The following MKLN1 variants were observed in gnomAD, a reference collection of about 807,000 sequenced individuals.
The protein encoded by MKLN1 is muskelin.
A neutral mutation model predicts 99.0 loss-of-function variants in MKLN1; 18 were observed. The ratio of observed to expected loss-of-function variants is 0.18; its 90% CI spans 0.13 to 0.27. The LOEUF (loss-of-function observed/expected upper bound fraction) is 0.27. Among genes scored for constraint, MKLN1 ranks in the 10% least tolerant of loss-of-function variants. MKLN1 has a pLI of 1.00. For missense variants in MKLN1, 621 were observed against 875.9 expected (o/e 0.71, Z 3.67); for synonymous variants, 288 against 293.2 (o/e 0.98, Z 0.18).
chr7:131,392,982 C>T (rs1794249256), intron 4 of MKLN1, among the ~76,000 whole-genome samples: 1 of 151,948 alleles, frequency 6.6e-6, no homozygotes, highest in Admixed American at 6.6e-5. Context: ...GTGCAACCTC[C>T]AGTTCCTGGG....
chr7:131,242,641 G>A, intron 3 of MKLN1: 1 of 561,766 alleles, frequency 1.8e-6, no homozygotes, highest in South Asian at 1.7e-5. Flanking sequence ...CTGGCTGGAT[G>A]CTATTCTGGA....
intron 1 of MKLN1, among the ~76,000 whole-genome samples, chr7:131,339,170 A>G (rs955114018): frequency 6.6e-6 from 1 of 152,220 alleles, no homozygotes; most frequent in Non-Finnish European, 1.5e-5. Flanking sequence ...GTCAAAAGTC[A>G]TACATGGCTT....
At chr7:131,242,978 G>C in intron 3 of MKLN1, 1 of 626,404 alleles carries the variant, frequency 1.6e-6, no homozygotes, top group Non-Finnish European at 3.1e-6. Flanking sequence ...AGAACAAGCG[G>C]TTCTTCCAGA....
chr7:131,411,062 G>A (rs982800583), intron 6 of MKLN1, among the ~76,000 whole-genome samples: 2 of 152,050 alleles, frequency 1.3e-5, no homozygotes, highest in Non-Finnish European at 2.9e-5. Flanking sequence ...AACATAGTAC[G>A]TTTAATATGA....
rs1446787219 is a variant in MKLN1, at chr7:131,457,133, C to T, written c.1526-6084C>T. ...TCTCCACTAAAAATACAAAATTAGC[C>T]AGGCATGGTGGCACGTGCCTGTAGT... is the stretch of plus-strand genomic sequence containing the variant. On this transcript the variant is annotated intron_variant, in intron 12 of 17. Transcript: ENST00000352689. Among the ~76,000 whole-genome samples the T allele has an allele frequency of 3.3e-5, 5 of 151,944 alleles. No homozygotes were observed. In the South Asian group the frequency reaches 8.3e-4, roughly 25 times the overall value.
At chr7:131,314,891 CT>C (rs1798636464) in intron 3 of MKLN1, among the ~76,000 whole-genome samples, 2 of 152,192 alleles carry the variant, frequency 1.3e-5, no homozygotes, top group South Asian at 4.2e-4. Flanking sequence ...TCGACCTCAG[CT>C]TCCTAAGCAG....
chr7:131,454,633 A>T (rs376222183), intron 12 of MKLN1, among the ~76,000 whole-genome samples: 4 of 152,212 alleles, frequency 2.6e-5, no homozygotes, highest in African/African-American at 9.6e-5. Context: ...CCAGGGCATG[A>T]ATGGTTAATC....
At chr7:131,248,550 AG>A (rs1253247957) in intron 3 of MKLN1, among the ~76,000 whole-genome samples, 3 of 152,168 alleles carry the variant, frequency 2.0e-5, no homozygotes, top group African/African-American at 7.2e-5. Flanking sequence ...TACTTACTGT[AG>A]GGGGTAGAAG....
chr7:131,370,999 G>C (rs1486186319), intron 1 of MKLN1, among the ~76,000 whole-genome samples: 1 of 151,896 alleles, frequency 6.6e-6, no homozygotes, highest in African/African-American at 2.4e-5. Flanking sequence ...CTCCGTTTCT[G>C]GTCTGTATTT....
At chr7:131,254,653 A>G (rs1797631464) in intron 3 of MKLN1, among the ~76,000 whole-genome samples, 1 of 149,074 alleles carries the variant, frequency 6.7e-6, no homozygotes, top group South Asian at 2.5e-4. Flanking sequence ...TACAAAACTA[A>G]AGAGAAAAAT....
intron 6 of MKLN1, among the ~76,000 whole-genome samples, chr7:131,406,704 G>A (rs1794719786): frequency 6.6e-6 from 1 of 151,944 alleles, no homozygotes; most frequent in Non-Finnish European, 1.5e-5. Context: ...TTGATGGCCT[G>A]AAAATTTTGT....
chr7:131,355,317 T>C (rs1799840351), intron 1 of MKLN1, among the ~76,000 whole-genome samples: 1 of 152,134 alleles, frequency 6.6e-6, no homozygotes, highest in African/African-American at 2.4e-5. Flanking sequence ...TGTATGGTCA[T>C]AGGGAAACCT....
In MKLN1 at chr7:131,312,831, G is replaced by A. The variant is rs142107927; in HGVS notation, c.-178-62593G>A. 8.9e-3 allele frequency among the ~76,000 whole-genome samples: 1,359 copies of A among 152,218 alleles called. 21 individuals carry two copies. The highest frequency in any genetic ancestry group is 0.031 in the African/African-American group (1,285 of 41,514). Reference sequence around the variant, plus strand: ...TAAGAAGTAAGCAACTTTATGTACCGTATGCAGAGCTCAGGACAAATGACA... The same window carrying A: ...TAAGAAGTAAGCAACTTTATGTACCATATGCAGAGCTCAGGACAAATGACA... On this transcript the variant is annotated intron_variant, in intron 3 of 7. Coordinates refer to the MKLN1 transcript ENST00000416992.
At chr7:131,440,083 C>G (rs1309662840) in intron 10 of MKLN1, among the ~76,000 whole-genome samples, 4 of 152,302 alleles carry the variant, frequency 2.6e-5, no homozygotes, top group African/African-American at 9.6e-5. Context: ...TTGTATGTCA[C>G]AGTGAGAAGT....
chr7:131,242,759 C>G, intron 3 of MKLN1: 2 of 696,592 alleles, frequency 2.9e-6, no homozygotes, highest in Non-Finnish European at 2.7e-6. Flanking sequence ...TGACAGCTGC[C>G]ATGGGCAAGA....
intron 1 of MKLN1, among the ~76,000 whole-genome samples, chr7:131,134,932 A>G (rs1167240062): frequency 1.3e-5 from 2 of 152,222 alleles, no homozygotes; most frequent in Non-Finnish European, 2.9e-5. Context: ...TCCTCGCAAT[A>G]TAACCACAAC....
chr7:131,427,165 G>A (rs1458027082), intron 8 of MKLN1, among the ~76,000 whole-genome samples: 1 of 152,182 alleles, frequency 6.6e-6, no homozygotes, highest in Non-Finnish European at 1.5e-5. Context: ...AGAAAGCAGT[G>A]AAGCATTTTT....
At chr7:131,251,096 T>C (rs1331802223) in intron 3 of MKLN1, among the ~76,000 whole-genome samples, 27 of 96,868 alleles carry the variant, frequency 2.8e-4, no homozygotes, top group Admixed American at 2.5e-3. Context: ...GGCCCAGATG[T>C]GTGTGTGTGT....
chr7:131,286,952 A>C (rs1471510053), intron 3 of MKLN1, among the ~76,000 whole-genome samples: 1 of 152,210 alleles, frequency 6.6e-6, no homozygotes, highest in African/African-American at 2.4e-5. Flanking sequence ...CTTTTAAAAA[A>C]ATTAGCTGGA....
Sources: gnomAD v4.1 joint callset for allele counts (sites outside exome capture counted in the v4.1 genomes callset) on GRCh38, gnomAD v4.1.1 for gene constraint, MANE v1.5 for transcripts, NCBI Gene and HGNC (gene_info 2026-07-23, HGNC 2026-07-21) for gene names.